The following PARG variants were observed in gnomAD, a reference collection of about 807,000 sequenced individuals.
The protein encoded by PARG is poly(ADP-ribose) glycohydrolase.
A neutral mutation model predicts 113.0 loss-of-function variants in PARG; 35 were observed. The ratio of observed to expected loss-of-function variants is 0.31; its 90% confidence interval spans 0.24 to 0.41. The LOEUF is 0.41. Ranked by LOEUF, PARG falls within the 10% of genes least tolerant of loss-of-function variation. PARG has a pLI of 1.00. For missense variants in PARG, 797 were observed against 1,169.4 expected (o/e 0.68, Z 4.64); for synonymous variants, 330 against 409.9 (o/e 0.81, Z 2.36).
chr10:49,928,132 T>C (rs1478860036), intron 4 of PARG, among the ~76,000 whole-genome samples: 2 of 151,964 alleles, frequency 1.3e-5, no homozygotes, highest in East Asian at 3.9e-4. Context: ...TCAGCCAAGG[T>C]TGGTGGTATG....
chr10:49,852,752 G>C (rs1845813987), intron 13 of PARG, among the ~76,000 whole-genome samples: 1 of 151,520 alleles, frequency 6.6e-6, no homozygotes, highest in South Asian at 2.1e-4. Flanking sequence ...TTTTAGTAGA[G>C]ATGGGGTTTC....
intron 7 of PARG, among the ~76,000 whole-genome samples, chr10:49,895,477 C>T (rs1848035730): frequency 2.0e-5 from 3 of 151,652 alleles, no homozygotes; most frequent in Admixed American, 1.3e-4. Flanking sequence ...GATCTCGGCT[C>T]ACTGCAACCT....
intron 7 of PARG, among the ~76,000 whole-genome samples, chr10:49,902,534 A>G (rs1848390945): frequency 6.6e-6 from 1 of 152,172 alleles, no homozygotes; most frequent in South Asian, 2.1e-4. Context: ...TCTCCCTTCT[A>G]CTGAATTCTA....
intron 7 of PARG, among the ~76,000 whole-genome samples, chr10:49,893,989 T>C (rs1307657026): frequency 1.3e-5 from 2 of 151,894 alleles, no homozygotes; most frequent in Non-Finnish European, 2.9e-5. Context: ...TGAGCCACCA[T>C]GCCCGGCCTA....
intron 1 of PARG, among the ~76,000 whole-genome samples, chr10:49,938,612 C>T (rs1379705000): frequency 7.4e-5 from 11 of 149,054 alleles, no homozygotes; most frequent in Admixed American, 1.3e-4. Flanking sequence ...TTTTTTTTTT[C>T]TTTTTTCAGA....
chr10:49,837,739 A>G lies in PARG; in HGVS notation c.2541+4211T>C, dbSNP rs116357826. 2.7e-3 allele frequency among the ~76,000 whole-genome samples: 409 copies of G among 152,350 alleles called. 2 individuals are homozygous for G. The highest frequency in any genetic ancestry group is 9.4e-3 in the African/African-American group (389 of 41,584). On this transcript the variant is annotated intron_variant, in intron 15 of 17. Transcript: ENST00000616448. ...ATTAAAAAACTAATTCCTTGTTAAA[A>G]TAACACATTTTTTGGAATATATCAG...
intron 6 of PARG, among the ~76,000 whole-genome samples, chr10:49,920,541 C>T (rs1366876234): frequency 1.0e-4 from 13 of 123,834 alleles, no homozygotes; most frequent in Non-Finnish European, 1.7e-4. Flanking sequence ...TATATATATA[C>T]ACATATATAT....
At chr10:49,888,437 C>T (rs1847605757) in intron 7 of PARG, among the ~76,000 whole-genome samples, 1 of 152,012 alleles carries the variant, frequency 6.6e-6, no homozygotes, top group African/African-American at 2.4e-5. Context: ...GTTCTGTTTT[C>T]CTTCACCTGA....
intron 7 of PARG, among the ~76,000 whole-genome samples, chr10:49,895,766 T>G (rs1848054665): frequency 6.6e-6 from 1 of 152,172 alleles, no homozygotes; most frequent in Non-Finnish European, 1.5e-5. Context: ...GATATTCTTT[T>G]ATTCAGGTTT....
At chr10:49,859,559 T>A (rs1846158139) in intron 12 of PARG, among the ~76,000 whole-genome samples, 1 of 152,162 alleles carries the variant, frequency 6.6e-6, no homozygotes, top group Non-Finnish European at 1.5e-5. Flanking sequence ...AGTATAATGA[T>A]ATTGTGACTA....
At chr10:49,820,353 C>T in intron 16 of PARG, 60 bp from the exon 17 acceptor site, 6 of 1,240,680 alleles carry the variant, frequency 4.8e-6, no homozygotes, top group Non-Finnish European at 6.8e-6. Flanking sequence ...ATACCTTTAG[C>T]TCTTTACCAG....
chr10:49,849,693 G>T (rs1845669738), intron 13 of PARG, among the ~76,000 whole-genome samples: 1 of 152,128 alleles, frequency 6.6e-6, no homozygotes, highest in African/African-American at 2.4e-5. Context: ...TCCCTCACTA[G>T]ACTCTCAGCT....
At chr10:49,920,971 T>C (rs1466507225) in intron 6 of PARG, among the ~76,000 whole-genome samples, 3 of 152,122 alleles carry the variant, frequency 2.0e-5, no homozygotes, top group African/African-American at 7.2e-5. Context: ...AAACAGTATA[T>C]GTTCCAGCTG....
At chr10:49,890,422 T>TCA (rs1334900229) in intron 7 of PARG, among the ~76,000 whole-genome samples, 2 of 152,234 alleles carry the variant, frequency 1.3e-5, no homozygotes, top group African/African-American at 4.8e-5. Flanking sequence ...ATAGATCTGT[T>TCA]CATTCATTCG....
intron 16 of PARG, among the ~76,000 whole-genome samples, chr10:49,821,069 C>T (rs932544475): frequency 2.0e-5 from 3 of 152,016 alleles, no homozygotes; most frequent in Admixed American, 6.5e-5. Flanking sequence ...CACCTGCGTC[C>T]CTCCTGCACT....
At chr10:49,922,829 T>C (rs1554849704) in intron 4 of PARG, among the ~76,000 whole-genome samples, 160 bp from the exon 5 acceptor site, 1 of 152,214 alleles carries the variant, frequency 6.6e-6, no homozygotes, top group Non-Finnish European at 1.5e-5. Context: ...CTCACCTCCA[T>C]TCAACCAGGT....
At chr10:49,865,497 T>C (rs1846462781) in intron 10 of PARG, 116 bp from the exon 11 acceptor site, 1 of 446,612 alleles carries the variant, frequency 2.2e-6, no homozygotes, top group African/African-American at 2.6e-5. Context: ...GGTAAAAGAA[T>C]AGGTCTAACA....
intron 14 of PARG, 34 bp from the exon 15 acceptor site, chr10:49,842,092 G>C (rs1362781694): frequency 7.2e-7 from 1 of 1,392,874 alleles, no homozygotes; most frequent in Non-Finnish European, 9.9e-7. Context: ...AAAAGATAAG[G>C]AACAGGTAGT....
At chr10:49,843,309 G>C (rs1554832698) in intron 14 of PARG, among the ~76,000 whole-genome samples, 1 of 152,212 alleles carries the variant, frequency 6.6e-6, no homozygotes, top group Non-Finnish European at 1.5e-5. Context: ...AAGAACTGTA[G>C]AGAATTCTGC....
Sources: gnomAD v4.1 joint callset for allele counts (sites outside exome capture counted in the v4.1 genomes callset) on GRCh38, gnomAD v4.1.1 for gene constraint, MANE v1.5 for transcripts, NCBI Gene and HGNC (gene_info 2026-07-23, HGNC 2026-07-21) for gene names.